Variants in RCSD1 observed in about 807,000 individuals in gnomAD.
RCSD1 encodes RCSD domain containing 1, also known as capZ-interacting protein.
In RCSD1, 26 loss-of-function variants were observed where a neutral mutation model predicts 42.5. That is an observed-to-expected ratio of 0.61 (90% CI 0.45 to 0.85). The LOEUF (loss-of-function observed/expected upper bound fraction) is 0.85, where lower values mean the gene tolerates loss of function less well. RCSD1 is among the 40% of genes least tolerant of loss of function. RCSD1 has a pLI of 0.00. For missense variants in RCSD1, 571 were observed against 528.3 expected (o/e 1.08, Z -0.79); for synonymous variants, 220 against 212.2 (o/e 1.04, Z -0.32).
chr1:167,677,339 A>G (rs1471719934), intron 1 of RCSD1, among the ~76,000 whole-genome samples: 1 of 152,102 alleles, frequency 6.6e-6, no homozygotes, highest in East Asian at 1.9e-4. Context: ...AGGATTTCTT[A>G]CCCTCTATCA....
intron 3 of RCSD1, among the ~76,000 whole-genome samples, chr1:167,686,364 T>C (rs1036109620): frequency 1.5e-4 from 23 of 152,214 alleles, no homozygotes; most frequent in African/African-American, 5.5e-4. Flanking sequence ...CAATAGCCAT[T>C]AGGTGCCCTA....
chr1:167,649,502 G>T (rs1658249689), intron 1 of RCSD1, among the ~76,000 whole-genome samples: 1 of 152,200 alleles, frequency 6.6e-6, no homozygotes, highest in Non-Finnish European at 1.5e-5. Flanking sequence ...CCACAGCTTG[G>T]CCTCACCACT....
rs1290585692 is a variant in RCSD1 at position 167,690,120 on chromosome 1, G to A, written c.270G>A (p.Gln90=). ...VKSSPLIEKL[Q]ANLTFDPAAL... is the part of the protein sequence containing the mutation. Reference sequence around the variant, plus strand: ...GCTCGCCTCTGATTGAGAAGCTTCAGGTAAGTGCAGAATTCATTGTCTATT... The same window carrying A: ...GCTCGCCTCTGATTGAGAAGCTTCAAGTAAGTGCAGAATTCATTGTCTATT... The change falls in exon 4 of 7, where the codon CAG becomes CAA. Residue 90 remains glutamine, a splice_region_variant and synonymous_variant. Coordinates refer to ENST00000367854, the MANE Select transcript of RCSD1 (RefSeq NM_052862.4). 6 of 1,613,966 alleles carry A rather than the reference G, an allele frequency of 3.7e-6. No homozygotes were observed. The East Asian group carries it at 1.3e-4, about 36-fold the overall frequency.
chr1:167,668,024 C>T (rs2102219298), intron 1 of RCSD1, among the ~76,000 whole-genome samples: 1 of 152,214 alleles, frequency 6.6e-6, no homozygotes, highest in African/African-American at 2.4e-5. Context: ...GGTGTGATGG[C>T]TCACACCTGT....
intron 1 of RCSD1, among the ~76,000 whole-genome samples, chr1:167,662,953 A>G (rs1658571742): frequency 6.6e-6 from 1 of 152,238 alleles, no homozygotes; most frequent in Non-Finnish European, 1.5e-5. Context: ...TATGTTAAAA[A>G]TGAAGAGCAA....
intron 3 of RCSD1, among the ~76,000 whole-genome samples, chr1:167,688,457 A>G (rs959202089): frequency 6.6e-6 from 1 of 152,048 alleles, no homozygotes; most frequent in Admixed American, 6.6e-5. Context: ...AAGCTCCTTG[A>G]AAGACTGCTA....
intron 1 of RCSD1, among the ~76,000 whole-genome samples, chr1:167,648,241 ATTTGCT>A (rs1558074736): frequency 1.3e-5 from 2 of 152,246 alleles, no homozygotes; most frequent in African/African-American, 4.8e-5. Flanking sequence ...GGAACACAGC[ATTTGCT>A]TTTACTTTCT....
chr1:167,707,420 C>T lies in RCSD1; in HGVS notation c.*2724C>T, dbSNP rs1659781725. ...CCAGCTGCTGGTGACAGAAACCCAA[C>T]TCAAACTAGCTGATGAAAAACAGAA... On this transcript the variant is annotated 3_prime_UTR_variant, in exon 7 of 7. Transcript: ENST00000367854. 6.6e-6 allele frequency among the ~76,000 whole-genome samples: 1 copy of T among 152,160 alleles called. No individual in the cohort carries two copies. Among genetic ancestry groups the T allele is most frequent in the South Asian group, 2.1e-4 (1 of 4,826 alleles).
intron 1 of RCSD1, among the ~76,000 whole-genome samples, chr1:167,653,812 G>T (rs1383498189): frequency 1.3e-5 from 2 of 152,300 alleles, no homozygotes; most frequent in Non-Finnish European, 2.9e-5. Flanking sequence ...TGATGAAGAA[G>T]AACTGTCCAG....
chr1:167,697,968 C>T, intron 6 of RCSD1, 126 bp downstream of exon 6: 2 of 1,208,176 alleles, frequency 1.7e-6, no homozygotes, highest in Non-Finnish European at 2.1e-6. Flanking sequence ...AGGTGCCAGG[C>T]TCCTGCCTCG....
intron 5 of RCSD1, among the ~76,000 whole-genome samples, chr1:167,696,035 G>A (rs12095426): frequency 0.024 from 3,701 of 152,194 alleles, 159 homozygotes; most frequent in African/African-American, 0.084. Context: ...TAGAAGCAAA[G>A]GAATCTGGCT....
At chr1:167,666,508 G>C (rs182748895) in intron 1 of RCSD1, among the ~76,000 whole-genome samples, 38 of 152,276 alleles carry the variant, frequency 2.5e-4, no homozygotes, top group African/African-American at 9.1e-4. Flanking sequence ...GAGAATTCCT[G>C]AGTATGCGGA....
At chr1:167,693,265 C>A (rs1256978416) in intron 4 of RCSD1, among the ~76,000 whole-genome samples, 1 of 152,144 alleles carries the variant, frequency 6.6e-6, no homozygotes, top group African/African-American at 2.4e-5. Flanking sequence ...GGAGAAGCAC[C>A]CTAGATGGCC....
chr1:167,700,293 A>C (rs1023486562), intron 6 of RCSD1, among the ~76,000 whole-genome samples: 21 of 152,132 alleles, frequency 1.4e-4, no homozygotes, highest in Non-Finnish European at 4.4e-5. Flanking sequence ...AAGACTCATA[A>C]AGTATGACTG....
chr1:167,664,468 C>T (rs1022012174), intron 1 of RCSD1: 2 of 152,268 alleles, frequency 1.3e-5, no homozygotes, highest in African/African-American at 4.8e-5. Flanking sequence ...ATCATGAGCA[C>T]TTTAAAATGT....
chr1:167,643,741 A>G (rs1658062137), intron 1 of RCSD1, among the ~76,000 whole-genome samples: 1 of 152,148 alleles, frequency 6.6e-6, no homozygotes, highest in Non-Finnish European at 1.5e-5. Flanking sequence ...GATAACACCT[A>G]CCTGCTAGGG....
intron 1 of RCSD1, among the ~76,000 whole-genome samples, chr1:167,672,978 T>G (rs1658848153): frequency 6.6e-6 from 1 of 152,096 alleles, no homozygotes; most frequent in South Asian, 2.1e-4. Flanking sequence ...TTGGGATAGG[T>G]AAGGCAGGTA....
intron 1 of RCSD1, among the ~76,000 whole-genome samples, chr1:167,660,125 T>A (rs1658507758): frequency 6.6e-6 from 1 of 152,252 alleles, no homozygotes. Context: ...CACTTGTCTG[T>A]GTGCCAAGCT....
At position 167,630,464 on chromosome 1, in the gene RCSD1, G is replaced by C; in HGVS notation, c.6+35G>C. The C allele has an allele frequency of 4.6e-6, 7 of 1,525,120 alleles. No homozygotes were observed. In the South Asian group the frequency reaches 7.5e-5, roughly 16 times the overall value. 94.5% of individuals were successfully genotyped at this position (1,525,120 alleles called of 1,614,324 possible). A position where few individuals can be genotyped will look rare whatever the true frequency, so the allele number is the denominator to read the frequency against. ...CCCGGAGGGAGACGCGGGGCTGAGC[G>C]GTGAGCGGTGTATCGGGCGCCCCTT... On this transcript the variant is annotated intron_variant, in intron 1 of 6. Coordinates refer to ENST00000367854, the MANE Select transcript of RCSD1 (RefSeq NM_052862.4).
Sources: allele counts gnomAD v4.1 joint callset (sites outside exome capture counted in the v4.1 genomes callset), GRCh38; gene constraint gnomAD v4.1.1; transcripts MANE v1.5; gene names NCBI Gene and HGNC (gene_info 2026-07-23, HGNC 2026-07-21).